MYO1G: variants seen among roughly 807,000 people sequenced by gnomAD.
MYO1G encodes myosin IG.
In MYO1G, 65 loss-of-function variants were observed where a neutral mutation model predicts 115.3. The ratio of observed to expected loss-of-function variants is 0.56; its 90% CI spans 0.46 to 0.69. The LOEUF is 0.69. Among genes scored for constraint, MYO1G ranks in the 30% least tolerant of loss-of-function variants. The pLI is 0.00. For synonymous variants in MYO1G, 510 were observed against 552.6 expected (o/e 0.92, Z 1.08); for missense variants, 1,204 against 1,393.5 (o/e 0.86, Z 2.16).
intron 13 of MYO1G, 35 bp from the exon 14 acceptor site, chr7:44,967,772 G>GT: frequency 6.2e-7 from 1 of 1,612,394 alleles, no homozygotes; most frequent in Non-Finnish European, 8.5e-7. Context: ...GCCATCCTCT[G>GT]GGAGAGCAGC....
At position 44,971,024 on chromosome 7, in the gene MYO1G, C is replaced by A; in HGVS notation, c.882G>T (p.Gly294=). ...CCACTGCCAGGCCCTCCTTCTGCAG[C>A]CCACCCTCCTCCGTCTCCACAAACT... ...NIEFVETEEG[G]LQKEGLAVAE... The change falls in exon 8 of 22, where the codon GGG becomes GGT. Residue 294 remains glycine (G), a synonymous_variant. Coordinates refer to ENST00000258787, the MANE Select transcript of MYO1G (RefSeq NM_033054.3). 17 of 1,612,956 alleles carry A rather than the reference C, an allele frequency of 1.1e-5. No homozygotes were observed. The highest frequency in any genetic ancestry group is 1.4e-5 in the Non-Finnish European group (17 of 1,179,888).
chr7:44,965,864 G>A lies in MYO1G; in HGVS notation c.2158-4C>T. ...TCGCCAAGGTGCCCCGCCATGCCTG[G>A]GTGGGCCAGGTGGGATGGGATACGC... On this transcript the variant is annotated splice_region_variant and splice_polypyrimidine_tract_variant and intron_variant, in intron 16 of 21. Coordinates refer to ENST00000258787, the MANE Select transcript of MYO1G (RefSeq NM_033054.3). The A allele has an allele frequency of 6.3e-7, 1 of 1,597,962 alleles. No homozygotes were observed. The highest frequency in any genetic ancestry group is 8.5e-7 in the Non-Finnish European group (1 of 1,179,638).
chr7:44,971,048 C>A lies in MYO1G; in HGVS notation c.858G>T (p.Glu286Asp). 3.1e-6 allele frequency: 5 copies of A among 1,610,506 alleles called. No individual in the cohort carries two copies. The South Asian group carries it at 5.5e-5, about 18-fold the overall frequency. The change falls in exon 8 of 22, where the codon GAG becomes GAT. Residue 286 changes from glutamate (E) to aspartate (D), a missense_variant. Transcript: ENST00000258787. The part of the protein sequence containing the change: ...LAAILHLGNI[E>D]FVETEEGGLQ... ...GCCCACCCTCCTCCGTCTCCACAAA[C>A]TCGATGTTTCCCTGGTGATGGGAAA...
Position 44,966,096 on chromosome 7 carries a change from TG to T in MYO1G, c.2133del (p.Ile712SerfsTer22). ...TLEQSRARLI[P>X]IIVLLLQKAW... ...ACCTTCTGCAATAGCAGCACAATGA[TG>T]GGGATGAGGCGGGCTCGGCTCTGCT... On this transcript the variant is annotated frameshift_variant, in exon 16 of 22. Coordinates refer to ENST00000258787, the MANE Select transcript of MYO1G (RefSeq NM_033054.3). LOFTEE classifies it high-confidence loss of function. The surrounding 1 kb of genome is among the most constrained non-coding windows in gnomAD (Gnocchi z 5.0). 6.2e-7 allele frequency: 1 copy of T among 1,612,882 alleles called. No homozygotes were observed. The highest frequency in any genetic ancestry group is 8.5e-7 in the Non-Finnish European group (1 of 1,179,946).
At chr7:44,973,504 G>A (rs568151002) in intron 5 of MYO1G, 3 of 151,986 alleles carry the variant, frequency 2.0e-5, no homozygotes, top group South Asian at 4.2e-4. Context: ...GGGTAGCTCA[G>A]AGTCCTTAAA....
In MYO1G at chr7:44,964,301, G is replaced by T; in HGVS notation, c.2631+114C>A. ...CAGGAGCAGCTGGGCCTGGGCTGGG[G>T]TTGCCTCCATTTTCTCCCAAGTGCC... On this transcript the variant is annotated intron_variant, in intron 19 of 21. Coordinates refer to ENST00000258787, the MANE Select transcript of MYO1G (RefSeq NM_033054.3). The surrounding 1 kb of genome is among the most constrained non-coding windows in gnomAD (Gnocchi z 5.1). 7.6e-7 allele frequency: 1 copy of T among 1,311,250 alleles called. No individual in the cohort carries two copies. The highest frequency in any genetic ancestry group is 1.1e-6 in the Non-Finnish European group (1 of 914,802). The allele number at this position is 1,311,250 out of a possible 1,614,324, so 81.2% of individuals were successfully genotyped here. A position where few individuals can be genotyped will look rare whatever the true frequency, so the allele number is the denominator to read the frequency against.
Position 44,972,080 on chromosome 7 carries a change from G to A in MYO1G, c.729+35C>T, listed in dbSNP as rs372616042. On this transcript the variant is annotated intron_variant, in intron 6 of 21. Coordinates refer to ENST00000258787, the MANE Select transcript of MYO1G (RefSeq NM_033054.3). Reference sequence around the variant, plus strand: ...CACCACACTCAGGCCCTGACACTGAGCCCAGTTTGAGCCCTTGGTGCCCCT... The same window carrying A: ...CACCACACTCAGGCCCTGACACTGAACCCAGTTTGAGCCCTTGGTGCCCCT... The A allele has an allele frequency of 5.9e-6, 9 of 1,526,984 alleles. No homozygotes were observed. The African/African-American group carries it at 9.6e-5, about 16-fold the overall frequency. 94.6% of individuals were successfully genotyped at this position (1,526,984 alleles called of 1,614,324 possible). A position where few individuals can be genotyped will look rare whatever the true frequency, so the allele number is the denominator to read the frequency against.
Position 44,969,827 on chromosome 7 carries a change from G to C in MYO1G, c.1381C>G (p.His461Asp). The change falls in exon 11 of 22, where the codon CAC becomes GAC. Residue 461 changes from histidine to aspartate, a missense_variant. By Grantham distance (81) the His-to-Asp change is moderately conservative. Transcript: ENST00000258787. The surrounding 1 kb of genome is among the most constrained non-coding windows in gnomAD (Gnocchi z 5.0). ...TCCAGCACGGCCAGGATGCCACGGT[G>C]GGGCCGCTCCACCAGATCCACAATG... ...ATIVDLVERP[H>D]RGILAVLDEA... 1 of 1,613,070 alleles carries C rather than the reference G, an allele frequency of 6.2e-7. No homozygotes were observed. The highest frequency in any genetic ancestry group is 8.5e-7 in the Non-Finnish European group (1 of 1,179,696).
At chr7:44,971,174 C>G in intron 7 of MYO1G, 115 bp from the exon 8 acceptor site, 1 of 875,942 alleles carries the variant, frequency 1.1e-6, no homozygotes, top group Non-Finnish European at 1.7e-6. Flanking sequence ...GAGTACAGCT[C>G]CTTCTCAGAC....
At chr7:44,970,465 T>C in intron 9 of MYO1G, 127 bp downstream of exon 9, 3 of 1,298,850 alleles carry the variant, frequency 2.3e-6, no homozygotes, top group Non-Finnish European at 3.2e-6. Context: ...GCATGAGCCT[T>C]GGGCCCAGGG....
intron 5 of MYO1G, chr7:44,974,862 G>T: frequency 2.2e-6 from 1 of 446,464 alleles, no homozygotes. Context: ...GTAATCCCAG[G>T]GGAAGCCCAC....
intron 5 of MYO1G, chr7:44,973,126 C>T (rs1794989536): frequency 6.6e-6 from 1 of 152,184 alleles, no homozygotes; most frequent in Admixed American, 6.5e-5. Flanking sequence ...ACCATAGAGA[C>T]ACCGCCAGTG....
intron 9 of MYO1G, 69 bp downstream of exon 9, chr7:44,970,523 G>T: frequency 6.3e-7 from 1 of 1,591,292 alleles, no homozygotes; most frequent in African/African-American, 1.3e-5. Flanking sequence ...CCCCAGCCGA[G>T]CTTTCCAGAA....
intron 1 of MYO1G, among the ~76,000 whole-genome samples, chr7:44,978,509 GA>G (rs1795123560): frequency 6.6e-6 from 1 of 152,224 alleles, no homozygotes; most frequent in Non-Finnish European, 1.5e-5. Flanking sequence ...GTCCCTCCTG[GA>G]AAGATAGTGC....
chr7:44,966,972 G>A lies in MYO1G; in HGVS notation c.1783-134C>T, dbSNP rs1794857971. On this transcript the variant is annotated intron_variant, in intron 14 of 21. Transcript: ENST00000258787. This position sits in a 1 kb window ranked among gnomAD's most constrained non-coding sequence, Gnocchi z 5.0. ...TGGGAACAAAGAAGGGAAATCAGCA[G>A]AACAAGGGCCCTGGAAGCCCTAAGT... 2 of 1,026,454 alleles carry A rather than the reference G, an allele frequency of 1.9e-6. No homozygotes were observed. Among genetic ancestry groups the A allele is most frequent in the Non-Finnish European group, 2.8e-6 (2 of 707,146 alleles). 63.6% of individuals were successfully genotyped at this position (1,026,454 alleles called of 1,614,324 possible).
chr7:44,965,735 A>G lies in MYO1G; in HGVS notation c.2283T>C (p.Ala761=). ...GCCCGTAGAGTGGCGGCTGCCTTGC[A>G]GCCTGGAATCGCCGCTGCAGCTCAG... is the stretch of plus-strand genomic sequence containing the variant. ...HLAELQRRFQ[A]ARQPPLYGRD... is the part of the protein sequence containing the mutation. The change falls in exon 17 of 22, where the codon GCT becomes GCC. Residue 761 remains alanine (A), a synonymous_variant. Transcript: ENST00000258787. The G allele has an allele frequency of 1.2e-6, 2 of 1,610,730 alleles. No homozygotes were observed. The highest frequency in any genetic ancestry group is 1.1e-5 in the South Asian group (1 of 90,988).
chr7:44,972,511 T>C (rs908749297), intron 5 of MYO1G: 11 of 412,618 alleles, frequency 2.7e-5, no homozygotes, highest in East Asian at 1.1e-4. Flanking sequence ...TGTGGAGACA[T>C]TGCCCTCGAC....
At chr7:44,967,517 G>A in intron 14 of MYO1G, 88 bp downstream of exon 14, 1 of 1,526,548 alleles carries the variant, frequency 6.6e-7, no homozygotes, top group Non-Finnish European at 9.0e-7. Context: ...CCACTATGAT[G>A]TACAGAGGTG....
At chr7:44,965,372 A>C (rs1794821363) in intron 17 of MYO1G, among the ~76,000 whole-genome samples, 1 of 152,118 alleles carries the variant, frequency 6.6e-6, no homozygotes, top group Non-Finnish European at 1.5e-5. Context: ...CAGATGCAGA[A>C]TCCCCTTACT....
Sources: allele counts gnomAD v4.1 joint callset (sites outside exome capture counted in the v4.1 genomes callset), GRCh38; gene constraint gnomAD v4.1.1; non-coding constraint Gnocchi (gnomAD v3.1); transcripts MANE v1.5; gene names NCBI Gene and HGNC (gene_info 2026-07-23, HGNC 2026-07-21).